RPH3A: variants seen among roughly 807,000 people sequenced by gnomAD.
The protein encoded by RPH3A is rabphilin-3A.
Under a neutral mutation model 102.2 loss-of-function variants are expected in RPH3A, and 48 were observed. That is an observed-to-expected ratio of 0.47 (90% CI 0.37 to 0.60). The LOEUF (loss-of-function observed/expected upper bound fraction) is 0.60. Among genes scored for constraint, RPH3A ranks in the 20% least tolerant of loss-of-function variants. The probability of loss-of-function intolerance (pLI) is 0.00; values close to 1 mark genes in which losing one functional copy is unlikely to be tolerated. For missense variants in RPH3A, 781 were observed against 910.1 expected, an observed-to-expected ratio of 0.86 and a Z score of 1.83; for synonymous variants, 310 against 324.3, an observed-to-expected ratio of 0.96 and a Z score of 0.47.
intron 1 of RPH3A, among the ~76,000 whole-genome samples, chr12:112,690,170 G>T (rs1027558039): frequency 6.6e-6 from 1 of 152,142 alleles, no homozygotes; most frequent in Non-Finnish European, 1.5e-5. Flanking sequence ...AATTGGTTAA[G>T]CATAAAAATA....
intron 3 of RPH3A, among the ~76,000 whole-genome samples, chr12:112,833,387 C>T (rs571250458): frequency 3.0e-4 from 45 of 152,272 alleles, no homozygotes; most frequent in African/African-American, 1.1e-3. Context: ...AGCCTCTGAC[C>T]ATGTAGGTCT....
intron 2 of RPH3A, among the ~76,000 whole-genome samples, chr12:112,794,477 C>A (rs962988568): frequency 1.3e-5 from 2 of 152,142 alleles, no homozygotes; most frequent in Non-Finnish European, 2.9e-5. Flanking sequence ...GAATCCTGAG[C>A]TCAGCTGGAA....
chr12:112,732,879 T>C (rs1201081254), intron 1 of RPH3A, among the ~76,000 whole-genome samples: 2 of 152,206 alleles, frequency 1.3e-5, no homozygotes, highest in Non-Finnish European at 2.9e-5. Context: ...CCTCAGTAGA[T>C]GTTGGCTATT....
intron 1 of RPH3A, among the ~76,000 whole-genome samples, chr12:112,605,530 G>A (rs2039590145): frequency 6.6e-6 from 1 of 152,210 alleles, no homozygotes; most frequent in African/African-American, 2.4e-5. Flanking sequence ...GGTTGGACAT[G>A]CCCATAGTTC....
At chr12:112,731,107 T>C (rs1039740277) in intron 1 of RPH3A, among the ~76,000 whole-genome samples, 3 of 152,146 alleles carry the variant, frequency 2.0e-5, no homozygotes, top group African/African-American at 7.2e-5. Context: ...AGATGCTAAA[T>C]ATTGTGGATA....
At chr12:112,605,455 C>T (rs1370893523) in intron 1 of RPH3A, among the ~76,000 whole-genome samples, 1 of 152,086 alleles carries the variant, frequency 6.6e-6, no homozygotes, top group Non-Finnish European at 1.5e-5. Context: ...AAACCAACAA[C>T]AACAAACCAC....
chr12:112,621,012 T>A (rs1287130382), intron 1 of RPH3A, among the ~76,000 whole-genome samples: 6 of 148,242 alleles, frequency 4.0e-5, no homozygotes, highest in East Asian at 1.9e-4. Context: ...ACATTATTAT[T>A]TTTTTTTTTT....
intron 1 of RPH3A, chr12:112,650,830 G>A (rs1035820738): frequency 1.1e-4 from 16 of 151,726 alleles, no homozygotes; most frequent in African/African-American, 3.9e-4. Flanking sequence ...CTGGGCTCCA[G>A]TGATCCTTCC....
At chr12:112,713,477 A>G (rs2040494562) in intron 1 of RPH3A, among the ~76,000 whole-genome samples, 2 of 152,090 alleles carry the variant, frequency 1.3e-5, no homozygotes, top group South Asian at 2.1e-4. Flanking sequence ...CTTTTTTACA[A>G]TCTTTTTCCC....
intron 2 of RPH3A, among the ~76,000 whole-genome samples, chr12:112,810,683 C>A (rs114696690): frequency 4.0e-3 from 603 of 152,266 alleles, no homozygotes; most frequent in African/African-American, 0.014. Flanking sequence ...GTTGTATGTT[C>A]CTGGCACTTT....
At chr12:112,809,950 G>T (rs1473006305) in intron 2 of RPH3A, among the ~76,000 whole-genome samples, 1 of 152,148 alleles carries the variant, frequency 6.6e-6, no homozygotes, top group Non-Finnish European at 1.5e-5. Context: ...GCCTCCTCCT[G>T]CTGGCTTCAG....
intron 1 of RPH3A, among the ~76,000 whole-genome samples, chr12:112,783,608 C>T (rs866898869): frequency 6.6e-6 from 1 of 152,260 alleles, no homozygotes; most frequent in African/African-American, 2.4e-5. Context: ...GTGTTGGGCA[C>T]CTACTATGTG....
chr12:112,825,593 G>T (rs1484085240), intron 2 of RPH3A, among the ~76,000 whole-genome samples: 1 of 152,144 alleles, frequency 6.6e-6, no homozygotes, highest in African/African-American at 2.4e-5. Context: ...CAGAAAGAAC[G>T]GAAGCCTGGC....
chr12:112,617,196 G>A (rs768353246), intron 1 of RPH3A, among the ~76,000 whole-genome samples: 1 of 152,176 alleles, frequency 6.6e-6, no homozygotes, highest in South Asian at 2.1e-4. Context: ...AAGAGAAAGG[G>A]GTGTAAAGAA....
Position 112,890,955 on chromosome 12 carries a change from A to T in RPH3A, c.1727A>T (p.His576Leu), listed in dbSNP as rs749889530. ...GLIVGIIRCV[H>L]LAAMDANGYS... ...ATTGTGGGCATCATACGCTGCGTGC[A>T]CCTGGCTGCCATGGACGCTAATGGC... The change falls in exon 19 of 22, where the codon CAC (histidine) becomes CTC (leucine). Residue 576 changes from histidine (H) to leucine (L), a missense_variant. His to Leu is a moderately conservative substitution (Grantham distance 99). This residue lies in a region of RPH3A where 730 missense variants were observed against 810.0 expected (regional missense o/e 0.90). Coordinates refer to ENST00000389385, the MANE Select transcript of RPH3A (RefSeq NM_001143854.2). 1.2e-6 allele frequency: 2 copies of T among 1,614,178 alleles called. No homozygotes were observed. Among genetic ancestry groups the T allele is most frequent in the Non-Finnish European group, 1.7e-6 (2 of 1,180,022 alleles).
chr12:112,635,536 TA>T (rs1225300427), intron 1 of RPH3A, among the ~76,000 whole-genome samples: 1 of 152,246 alleles, frequency 6.6e-6, no homozygotes, highest in African/African-American at 2.4e-5. Context: ...TCATTAATGT[TA>T]TTTTTATATG....
chr12:112,660,531 A>G (rs912600978), intron 1 of RPH3A, among the ~76,000 whole-genome samples: 15 of 152,040 alleles, frequency 9.9e-5, no homozygotes, highest in African/African-American at 3.4e-4. Flanking sequence ...TATAAAAACT[A>G]TTTTTTGGTT....
chr12:112,702,881 G>A (rs1435343887), intron 1 of RPH3A, among the ~76,000 whole-genome samples: 1 of 152,238 alleles, frequency 6.6e-6, no homozygotes, highest in Non-Finnish European at 1.5e-5. Flanking sequence ...GCTTAGCACG[G>A]TGTGGTGGAT....
chr12:112,628,707 T>C (rs1239414369), intron 1 of RPH3A, among the ~76,000 whole-genome samples: 1 of 148,058 alleles, frequency 6.8e-6, no homozygotes, highest in Non-Finnish European at 1.5e-5. Context: ...GCTGTGATCA[T>C]GCAAAGGTGA....
Sources: allele counts gnomAD v4.1 joint callset (sites outside exome capture counted in the v4.1 genomes callset), GRCh38; gene constraint gnomAD v4.1.1; regional missense constraint gnomAD v4.1.1; transcripts MANE v1.5; gene names NCBI Gene and HGNC (gene_info 2026-07-23, HGNC 2026-07-21).